LMBR1: variants seen among roughly 807,000 people sequenced by gnomAD.
LMBR1 encodes limb development membrane protein 1, also known as limb region 1 protein homolog.
LMBR1 carries 52 observed loss-of-function variants against 73.9 expected under a neutral mutation model. The observed-to-expected ratio is 0.70, with a 90% CI of 0.56 to 0.89. The LOEUF (loss-of-function observed/expected upper bound fraction) is 0.89. Among genes scored for constraint, LMBR1 ranks in the 40% least tolerant of loss-of-function variants. The probability of loss-of-function intolerance (pLI) is 0.00; values close to 1 mark genes in which losing one functional copy is unlikely to be tolerated. For missense variants in LMBR1, 539 were observed against 579.8 expected, an observed-to-expected ratio of 0.93 and a Z score of 0.72; for synonymous variants, 215 against 209.4, an observed-to-expected ratio of 1.03 and a Z score of -0.23.
At chr7:156,889,801 C>T (rs1426027448) in intron 1 of LMBR1, among the ~76,000 whole-genome samples, 1 of 152,122 alleles carries the variant, frequency 6.6e-6, no homozygotes, top group African/African-American at 2.4e-5. Context: ...CAGGTCTGGG[C>T]AACACGGTGA....
intron 5 of LMBR1, among the ~76,000 whole-genome samples, chr7:156,792,106 T>C (rs544310000): frequency 6.6e-6 from 1 of 152,294 alleles, no homozygotes; most frequent in African/African-American, 2.4e-5. Context: ...CAGAGTTCCT[T>C]ACAAAATCAG....
intron 1 of LMBR1, among the ~76,000 whole-genome samples, chr7:156,881,871 A>G (rs879934245): frequency 2.0e-5 from 3 of 152,122 alleles, no homozygotes; most frequent in African/African-American, 7.2e-5. Flanking sequence ...ACCCTTGCAC[A>G]CTTGGTGAGA....
chr7:156,855,929 T>C (rs886651315), intron 1 of LMBR1, among the ~76,000 whole-genome samples: 5 of 152,086 alleles, frequency 3.3e-5, no homozygotes, highest in Non-Finnish European at 7.4e-5. Context: ...CAAAATTATC[T>C]TTCAAAAATA....
intron 4 of LMBR1, among the ~76,000 whole-genome samples, chr7:156,819,302 C>CA (rs1313586934): frequency 1.3e-5 from 2 of 151,748 alleles, no homozygotes; most frequent in East Asian, 1.9e-4. Context: ...TTTGCACATA[C>CA]AAAAAAAAGC....
At chr7:156,779,324 A>G (rs1307654600) in intron 5 of LMBR1, among the ~76,000 whole-genome samples, 2 of 152,240 alleles carry the variant, frequency 1.3e-5, no homozygotes, top group Non-Finnish European at 2.9e-5. Flanking sequence ...ATAAGCAGTC[A>G]GTATATTAGA....
intron 1 of LMBR1, among the ~76,000 whole-genome samples, chr7:156,840,170 G>A (rs1035555014): frequency 1.3e-5 from 2 of 152,132 alleles, no homozygotes; most frequent in Non-Finnish European, 2.9e-5. Flanking sequence ...TATATACCAG[G>A]CACTCTTCTA....
At position 156,869,818 on chromosome 7, in the gene LMBR1, A is replaced by G. The variant is rs570789957; in HGVS notation, c.66+23110T>C. Among the ~76,000 whole-genome samples the G allele has an allele frequency of 5.3e-5, 8 of 152,350 alleles. No individual in the cohort carries two copies. In the South Asian group the frequency reaches 1.7e-3, roughly 32 times the overall value. On this transcript the variant is annotated intron_variant, in intron 1 of 16. Coordinates refer to ENST00000353442, the MANE Select transcript of LMBR1 (RefSeq NM_022458.4). ...AAAGAGATAATTAGATATTCCATGCAAATAGTAATCAAGAAAGAGCAGAGA... is the reference window on the plus strand; with the variant it reads ...AAAGAGATAATTAGATATTCCATGCGAATAGTAATCAAGAAAGAGCAGAGA...
chr7:156,876,959 A>G (rs1800263849), intron 1 of LMBR1, among the ~76,000 whole-genome samples: 1 of 152,184 alleles, frequency 6.6e-6, no homozygotes, highest in Non-Finnish European at 1.5e-5. Flanking sequence ...GAAGAAAGAA[A>G]TAGCCAAGAT....
chr7:156,861,583 C>CT (rs1797722328), intron 1 of LMBR1, among the ~76,000 whole-genome samples: 1 of 152,156 alleles, frequency 6.6e-6, no homozygotes, highest in Admixed American at 6.5e-5. Flanking sequence ...ATGGGGTTTT[C>CT]TTTTCTATCT....
intron 9 of LMBR1, among the ~76,000 whole-genome samples, chr7:156,749,978 T>C (rs1026452850): frequency 1.3e-5 from 2 of 152,076 alleles, no homozygotes; most frequent in African/African-American, 4.8e-5. Context: ...TGTGAACCAC[T>C]GAAAAGATGA....
At chr7:156,676,116 A>G, downstream of LMBR1, 2 of 846,638 alleles carry the variant, frequency 2.4e-6, no homozygotes, top group Admixed American at 2.9e-5. Context: ...GACTTTCCTC[A>G]TGGGCTTTAG....
chr7:156,669,144 T>TA lies in LMBR1; in HGVS notation n.1009dup, dbSNP rs1297842283. 2 of 152,156 alleles carry TA rather than the reference T, an allele frequency of 1.3e-5. No homozygotes were observed. The highest frequency in any genetic ancestry group is 2.9e-5 in the Non-Finnish European group (2 of 68,042). The allele number at this position is 152,156 out of a possible 1,614,324, so 9.4% of individuals were successfully genotyped here. On this transcript the variant is annotated non_coding_transcript_exon_variant, in exon 5 of 5. Transcript: ENST00000430825. The surrounding 1 kb of genome is among the most constrained non-coding windows in gnomAD (Gnocchi z 4.2). ...TTGTGTACTTTGTGAGCCTTCATTG[T>TA]AAAGGGTGTGCTGACCAGCCCCTCT...
chr7:156,833,290 T>C (rs1356467508), intron 3 of LMBR1, among the ~76,000 whole-genome samples: 1 of 152,238 alleles, frequency 6.6e-6, no homozygotes, highest in Non-Finnish European at 1.5e-5. Context: ...TCCATTCAGT[T>C]TGATACTTCA....
chr7:156,697,101 T>A (rs1356016113), intron 15 of LMBR1, among the ~76,000 whole-genome samples: 1 of 152,070 alleles, frequency 6.6e-6, no homozygotes, highest in Non-Finnish European at 1.5e-5. Context: ...CCGCCAGGGG[T>A]GACATCACAT....
intron 11 of LMBR1, 145 bp downstream of exon 11, chr7:156,728,499 T>A (rs1816208099): frequency 2.0e-6 from 1 of 505,862 alleles, no homozygotes; most frequent in Non-Finnish European, 3.4e-6. Context: ...TGGATTTTCA[T>A]AAATAAAGGC....
intron 9 of LMBR1, chr7:156,736,626 T>C (rs1453910063): frequency 2.2e-6 from 1 of 456,740 alleles, no homozygotes; most frequent in Non-Finnish European, 4.4e-6. Context: ...CTGTGGCAGG[T>C]GAGGACACAA....
chr7:156,826,797 G>T (rs189895572), intron 3 of LMBR1, 53 bp from the exon 4 acceptor site: 14 of 1,506,338 alleles, frequency 9.3e-6, no homozygotes, highest in Non-Finnish European at 1.3e-5. Context: ...CAATGAACAC[G>T]AAAGTCATCA....
chr7:156,727,088 T>C (rs1815925698), intron 12 of LMBR1, among the ~76,000 whole-genome samples: 1 of 152,212 alleles, frequency 6.6e-6, no homozygotes, highest in African/African-American at 2.4e-5. Context: ...TCAGCTTTTC[T>C]CTTATTAATC....
At position 156,685,353 on chromosome 7, in the gene LMBR1, T is replaced by C. The variant is rs763851679; in HGVS notation, c.1388-1190A>G. ...AATGACATACAGCAACACAGTCAGGTGTTGCCGAACAACAGGAATGCATTC... is the reference window on the plus strand; with the variant it reads ...AATGACATACAGCAACACAGTCAGGCGTTGCCGAACAACAGGAATGCATTC... On this transcript the variant is annotated intron_variant, in intron 16 of 16. Coordinates refer to ENST00000353442, the MANE Select transcript of LMBR1 (RefSeq NM_022458.4). The surrounding 1 kb of genome is among the most constrained non-coding windows in gnomAD (Gnocchi z 4.1). Among the ~76,000 whole-genome samples, 1 of 152,210 alleles carries C rather than the reference T, an allele frequency of 6.6e-6. No homozygotes were observed. The highest frequency in any genetic ancestry group is 2.4e-5 in the African/African-American group (1 of 41,448).
Sources: allele counts gnomAD v4.1 joint callset (sites outside exome capture counted in the v4.1 genomes callset), GRCh38; gene constraint gnomAD v4.1.1; non-coding constraint Gnocchi (gnomAD v3.1); transcripts MANE v1.5; gene names NCBI Gene and HGNC (gene_info 2026-07-23, HGNC 2026-07-21).